Variants in NAALADL2 observed in about 807,000 individuals in gnomAD.
The protein encoded by NAALADL2 is N-acetylated alpha-linked acidic dipeptidase like 2.
Under a neutral mutation model 87.2 loss-of-function variants are expected in NAALADL2, and 76 were observed. The observed-to-expected ratio is 0.87, with a 90% CI of 0.72 to 1.05. NAALADL2 has a LOEUF of 1.05. Ranked by LOEUF, NAALADL2 falls within the 50% of genes least tolerant of loss-of-function variation. The pLI, the probability that NAALADL2 is intolerant of heterozygous loss-of-function variation, is 0.00. For synonymous variants in NAALADL2, 354 were observed against 331.0 expected (o/e 1.07, Z -0.75); for missense variants, 1,089 against 945.8 (o/e 1.15, Z -1.99).
chr3:175,234,900 G>A (rs1745563906), intron 3 of NAALADL2: 1 of 151,992 alleles, frequency 6.6e-6, no homozygotes, highest in Admixed American at 6.6e-5. Context: ...GTTGTTGTGA[G>A]AAAAAATTAC....
intron 2 of NAALADL2, among the ~76,000 whole-genome samples, chr3:175,128,613 A>C (rs1727326568): frequency 6.6e-6 from 1 of 152,154 alleles, no homozygotes; most frequent in South Asian, 2.1e-4. Context: ...AGTAGGTATA[A>C]GGGAATACAA....
At chr3:175,295,172 A>T (rs1255622180) in intron 4 of NAALADL2, among the ~76,000 whole-genome samples, 1 of 152,188 alleles carries the variant, frequency 6.6e-6, no homozygotes, top group Non-Finnish European at 1.5e-5. Flanking sequence ...ATATCCAATG[A>T]AGAAAATATT....
chr3:175,634,461 T>C (rs1278431747), intron 11 of NAALADL2, among the ~76,000 whole-genome samples: 3 of 152,008 alleles, frequency 2.0e-5, no homozygotes, highest in African/African-American at 4.8e-5. Context: ...AACTGTAGAA[T>C]AAATTATCTT....
intron 1 of NAALADL2, among the ~76,000 whole-genome samples, chr3:175,010,768 G>C (rs1288821730): frequency 6.6e-6 from 1 of 152,050 alleles, no homozygotes; most frequent in East Asian, 1.9e-4. Context: ...AGCCTTAGCA[G>C]GACCTTGTCT....
At chr3:175,168,162 T>TAA (rs35115728) in intron 2 of NAALADL2, among the ~76,000 whole-genome samples, 1 of 151,602 alleles carries the variant, frequency 6.6e-6, no homozygotes, top group Non-Finnish European at 1.5e-5. Context: ...TAAGTTACAT[T>TAA]AAAAAATATT....
intron 3 of NAALADL2, among the ~76,000 whole-genome samples, chr3:174,767,603 A>G (rs1256322361): frequency 2.6e-5 from 4 of 152,174 alleles, no homozygotes; most frequent in African/African-American, 9.7e-5. Context: ...CCACGCCAGA[A>G]GGATTGACCT....
chr3:174,555,502 G>C (rs1380214157), intron 2 of NAALADL2, among the ~76,000 whole-genome samples: 1 of 152,110 alleles, frequency 6.6e-6, no homozygotes, highest in Non-Finnish European at 1.5e-5. Flanking sequence ...GTTTCGCCAT[G>C]TTGGCCAGGC....
At chr3:174,479,326 A>C (rs1359102131) in intron 1 of NAALADL2, among the ~76,000 whole-genome samples, 2 of 152,304 alleles carry the variant, frequency 1.3e-5, no homozygotes, top group South Asian at 2.1e-4. Context: ...TGAGTCAAGT[A>C]ATATGCTAAG....
chr3:175,056,665 A>G (rs567765535), intron 1 of NAALADL2, among the ~76,000 whole-genome samples: 2 of 152,360 alleles, frequency 1.3e-5, no homozygotes, highest in South Asian at 4.1e-4. Context: ...GTATTTATTA[A>G]CAGCAAGCCA....
At chr3:175,067,472 C>T (rs763141067) in intron 1 of NAALADL2, among the ~76,000 whole-genome samples, 1 of 152,020 alleles carries the variant, frequency 6.6e-6, no homozygotes, top group African/African-American at 2.4e-5. Flanking sequence ...TATCAGCGGC[C>T]AACAGACGTA....
intron 1 of NAALADL2, among the ~76,000 whole-genome samples, chr3:174,869,531 A>C (rs2109597771): frequency 6.6e-6 from 1 of 152,268 alleles, no homozygotes; most frequent in East Asian, 1.9e-4. Context: ...GTAATGACAA[A>C]TTCGCTGGAT....
At chr3:174,853,200 C>A (rs1375744218) in intron 3 of NAALADL2, among the ~76,000 whole-genome samples, 1 of 51,100 alleles carries the variant, frequency 2.0e-5, no homozygotes, top group South Asian at 5.4e-4. Context: ...CCCGTCTCTA[C>A]CAAAAAAAAA....
At position 174,568,639 on chromosome 3, in the gene NAALADL2, A is replaced by G. The variant is rs1192787258; in HGVS notation, c.-115+18002A>G. On this transcript the variant is annotated intron_variant, in intron 2 of 3. Transcript: ENST00000434257. ...CTGTATCTTTTTTTGTGATTTTATT[A>G]GTACTGATGTATGTATATATATCTG... 2.0e-5 allele frequency among the ~76,000 whole-genome samples: 3 copies of G among 151,860 alleles called. No homozygotes were observed. The East Asian group carries it at 5.8e-4, about 29-fold the overall frequency.
chr3:175,799,598 A>G (rs373333063), intron 13 of NAALADL2, among the ~76,000 whole-genome samples: 1 of 152,148 alleles, frequency 6.6e-6, no homozygotes, highest in African/African-American at 2.4e-5. Flanking sequence ...AAAATATTCC[A>G]GGCAGTTTCA....
At chr3:175,391,379 C>T (rs960735467) in intron 5 of NAALADL2, among the ~76,000 whole-genome samples, 1 of 152,056 alleles carries the variant, frequency 6.6e-6, no homozygotes, top group Non-Finnish European at 1.5e-5. Flanking sequence ...ACAAAGAGAC[C>T]ATAGCTTCCT....
chr3:175,224,459 A>G (rs1471991170), intron 2 of NAALADL2, among the ~76,000 whole-genome samples: 4 of 152,154 alleles, frequency 2.6e-5, no homozygotes, highest in Non-Finnish European at 5.9e-5. Flanking sequence ...GTTAATATGT[A>G]TAAGATCATC....
At chr3:174,883,936 C>T (rs938296989) in intron 1 of NAALADL2, among the ~76,000 whole-genome samples, 9 of 152,174 alleles carry the variant, frequency 5.9e-5, no homozygotes, top group Admixed American at 5.2e-4. Context: ...TCCTTACCTC[C>T]ACTGTGGAGT....
At chr3:174,925,504 T>C (rs1459297958) in intron 1 of NAALADL2, among the ~76,000 whole-genome samples, 1 of 152,188 alleles carries the variant, frequency 6.6e-6, no homozygotes, top group Non-Finnish European at 1.5e-5. Flanking sequence ...TCAGGTAGTG[T>C]GATGCCTCCA....
chr3:175,080,210 G>C (rs202078568), intron 1 of NAALADL2, among the ~76,000 whole-genome samples: 7,631 of 152,060 alleles, frequency 0.05, 634 homozygotes, highest in African/African-American at 0.17. Flanking sequence ...CGTGATCCAC[G>C]CACCTCGGCC....
Sources: gnomAD v4.1 joint callset for allele counts (sites outside exome capture counted in the v4.1 genomes callset) on GRCh38, gnomAD v4.1.1 for gene constraint, MANE v1.5 for transcripts, NCBI Gene and HGNC (gene_info 2026-07-23, HGNC 2026-07-21) for gene names.